The following PRTG variants were observed in gnomAD, a reference collection of about 807,000 sequenced individuals.
The protein encoded by PRTG is immunoglobulin superfamily, DCC subclass, member 5.
Under a neutral mutation model 122.5 loss-of-function variants are expected in PRTG, and 67 were observed. The observed-to-expected ratio is 0.55, with a 90% confidence interval of 0.45 to 0.67. The LOEUF is 0.67. Ranked by LOEUF, PRTG falls within the 30% of genes least tolerant of loss-of-function variation. The probability of loss-of-function intolerance (pLI) is 0.00; values close to 1 mark genes in which losing one functional copy is unlikely to be tolerated. For synonymous variants in PRTG, 554 were observed against 501.1 expected (o/e 1.11, Z -1.41); for missense variants, 1,435 against 1,415.4 (o/e 1.01, Z -0.22).
At chr15:55,697,082 C>A (rs1426756992) in intron 2 of PRTG, among the ~76,000 whole-genome samples, 1 of 152,180 alleles carries the variant, frequency 6.6e-6, no homozygotes. Flanking sequence ...TGCTCTCTGC[C>A]AAATGCTAGA....
intron 11 of PRTG, among the ~76,000 whole-genome samples, chr15:55,667,669 A>G (rs2141784626): frequency 6.6e-6 from 1 of 152,346 alleles, no homozygotes; most frequent in Admixed American, 6.5e-5. Flanking sequence ...CTCTTTTGTT[A>G]TAATTTGTAC....
intron 11 of PRTG, among the ~76,000 whole-genome samples, chr15:55,645,821 C>T (rs2059319155): frequency 6.6e-6 from 1 of 152,020 alleles, no homozygotes; most frequent in Admixed American, 6.6e-5. Context: ...ACATGAGACT[C>T]AGCGGACTTA....
At chr15:55,736,220 T>C (rs2031407965) in intron 2 of PRTG, among the ~76,000 whole-genome samples, 1 of 152,112 alleles carries the variant, frequency 6.6e-6, no homozygotes, top group Non-Finnish European at 1.5e-5. Flanking sequence ...GGCACGCAGG[T>C]AAGAGACTCA....
At chr15:55,623,697 G>A (rs557995827) in intron 18 of PRTG, among the ~76,000 whole-genome samples, 6 of 152,286 alleles carry the variant, frequency 3.9e-5, no homozygotes, top group Non-Finnish European at 5.9e-5. Flanking sequence ...TTCCAATAAC[G>A]TACAGTATCT....
intron 11 of PRTG, among the ~76,000 whole-genome samples, chr15:55,667,268 A>G (rs1293720295): frequency 1.3e-5 from 2 of 151,918 alleles, no homozygotes; most frequent in African/African-American, 4.8e-5. Flanking sequence ...AGTTTCATCA[A>G]TCTGTAAACA....
chr15:55,680,691 A>G lies in PRTG; in HGVS notation c.677-63T>C, dbSNP rs567038123. Reference sequence around the variant, plus strand: ...TAAATAAGATATAATAAGTGAAATTAGTGAGACATTTATTCTTATCACTCA... The same window carrying G: ...TAAATAAGATATAATAAGTGAAATTGGTGAGACATTTATTCTTATCACTCA... On this transcript the variant is annotated intron_variant, in intron 4 of 19. Transcript: ENST00000389286. The G allele has an allele frequency of 1.7e-4, 192 of 1,113,088 alleles. No individual in the cohort carries two copies. The African/African-American group carries it at 2.7e-3, about 16-fold the overall frequency. The allele number at this position is 1,113,088 out of a possible 1,614,324, so 69.0% of individuals were successfully genotyped here.
Position 55,639,724 on chromosome 15 carries a change from T to C in PRTG, c.2242A>G (p.Thr748Ala), listed in dbSNP as rs1368354975. 6.2e-7 allele frequency: 1 copy of C among 1,614,082 alleles called. No homozygotes were observed. The highest frequency in any genetic ancestry group is 1.1e-5 in the South Asian group (1 of 91,070). The change falls in exon 13 of 20, where the codon ACC becomes GCC. Residue 748 changes from threonine (T) to alanine (A), a missense_variant. Physicochemically the swap from Thr to Ala is moderately conservative, Grantham distance 58. Coordinates refer to ENST00000389286, the MANE Select transcript of PRTG (RefSeq NM_173814.6). ...IFLHWRRPAF[T>A]AAQIINYTIR... Reference sequence around the variant, plus strand: ...GTGTAGTTAATGATTTGTGCAGCGGTGAATGCAGGCCTCCTCCAGTGCAGG... The same window carrying C: ...GTGTAGTTAATGATTTGTGCAGCGGCGAATGCAGGCCTCCTCCAGTGCAGG...
At chr15:55,737,299 T>TG (rs1481895319) in intron 2 of PRTG, among the ~76,000 whole-genome samples, 1 of 152,178 alleles carries the variant, frequency 6.6e-6, no homozygotes, top group African/African-American at 2.4e-5. Flanking sequence ...AAGGATTATC[T>TG]TTTTTTAAAG....
In PRTG at chr15:55,620,839, TACTTTA is replaced by T. The variant is rs553003860; in HGVS notation, c.3094-78_3094-73del. 1,186 of 1,274,492 alleles carry T rather than the reference TACTTTA, an allele frequency of 9.3e-4. 3 individuals are homozygous for T. The highest frequency in any genetic ancestry group is 2.0e-3 in the Admixed American group (82 of 40,066). 78.9% of individuals were successfully genotyped at this position (1,274,492 alleles called of 1,614,324 possible). ...ATTTCACTTTATCACAAGTAGTGCA[TACTTTA>T]ACTTTTACTATATGCTTCACATTTC... On this transcript the variant is annotated intron_variant, in intron 18 of 19. Coordinates refer to ENST00000389286, the MANE Select transcript of PRTG (RefSeq NM_173814.6).
At chr15:55,646,468 G>A (rs8037501) in intron 11 of PRTG, among the ~76,000 whole-genome samples, 21,250 of 151,586 alleles carry the variant, frequency 0.14, 2,155 homozygotes, top group African/African-American at 0.28. Flanking sequence ...GACTACAGGC[G>A]CCCGCCACCA....
chr15:55,720,060 AAAAAG>A lies in PRTG; in HGVS notation c.397+20317_397+20321del, dbSNP rs374972863. Among the ~76,000 whole-genome samples the A allele has an allele frequency of 7.8e-3, 1,178 of 151,924 alleles. 5 individuals carry two copies. Among genetic ancestry groups the A allele is most frequent in the Admixed American group, 0.01 (159 of 15,260 alleles). Reference sequence around the variant, plus strand: ...GGCAACGAGAGTGAAACTTCATCTCAAAAAGAAAAGAAAAGAAAAGAAAAGAAAAA... The same window carrying A: ...GGCAACGAGAGTGAAACTTCATCTCAAAAAGAAAAGAAAAGAAAAGAAAAA... On this transcript the variant is annotated intron_variant, in intron 2 of 19. Transcript: ENST00000389286.
intron 2 of PRTG, among the ~76,000 whole-genome samples, chr15:55,695,116 T>C (rs904126623): frequency 1.3e-5 from 2 of 152,208 alleles, no homozygotes; most frequent in African/African-American, 4.8e-5. Flanking sequence ...GCTTCTATGA[T>C]TTATAGTCAG....
chr15:55,717,018 T>C (rs946508312), intron 2 of PRTG, among the ~76,000 whole-genome samples: 2 of 152,220 alleles, frequency 1.3e-5, no homozygotes, highest in Non-Finnish European at 2.9e-5. Context: ...TTACTCAATA[T>C]GAAACCATTT....
intron 11 of PRTG, among the ~76,000 whole-genome samples, chr15:55,644,624 G>T (rs1396913714): frequency 6.6e-6 from 1 of 152,052 alleles, no homozygotes; most frequent in East Asian, 1.9e-4. Context: ...TGCCCACTCA[G>T]GACAGACTCA....
At position 55,724,955 on chromosome 15, in the gene PRTG, G is replaced by A. The variant is rs190803577; in HGVS notation, c.397+15427C>T. 8.7e-4 allele frequency among the ~76,000 whole-genome samples: 132 copies of A among 152,284 alleles called. No individual in the cohort carries two copies. The Middle Eastern group carries it at 0.017, about 20-fold the overall frequency. On this transcript the variant is annotated intron_variant, in intron 2 of 19. Coordinates refer to ENST00000389286, the MANE Select transcript of PRTG (RefSeq NM_173814.6). ...GGCTGAAACGAAAGGACATTGAACAGCTGCTCAAAGCCATAGGAAGAAATA... is the reference window on the plus strand; with the variant it reads ...GGCTGAAACGAAAGGACATTGAACAACTGCTCAAAGCCATAGGAAGAAATA...
At chr15:55,731,470 A>G (rs563099168) in intron 2 of PRTG, among the ~76,000 whole-genome samples, 39 of 146,896 alleles carry the variant, frequency 2.7e-4, no homozygotes, top group South Asian at 1.9e-3. Context: ...TCTCAGGTTC[A>G]AGGGATTCTC....
rs1217117206 is a variant in PRTG, at chr15:55,730,110, C to CT, written c.397+10271dup. On this transcript the variant is annotated intron_variant, in intron 2 of 19. Coordinates refer to ENST00000389286, the MANE Select transcript of PRTG (RefSeq NM_173814.6). ...AATGTCTTTAATTTCAGCGTTGTTA[C>CT]TTTTTTTTTGAGATGGGGTTTCTCT... is the stretch of plus-strand genomic sequence containing the variant. 1.7e-4 allele frequency among the ~76,000 whole-genome samples: 26 copies of CT among 151,542 alleles called. No individual in the cohort carries two copies. In the South Asian group the frequency reaches 4.0e-3, roughly 23 times the overall value.
At chr15:55,734,315 C>G (rs2031339664) in intron 2 of PRTG, among the ~76,000 whole-genome samples, 1 of 152,052 alleles carries the variant, frequency 6.6e-6, no homozygotes, top group African/African-American at 2.4e-5. Flanking sequence ...AAGGGTGACT[C>G]TGGAGGATTA....
At chr15:55,729,292 T>C (rs1157540523) in intron 2 of PRTG, among the ~76,000 whole-genome samples, 4 of 152,214 alleles carry the variant, frequency 2.6e-5, no homozygotes, top group South Asian at 2.1e-4. Flanking sequence ...TATGATTTCA[T>C]TGATATGACA....
Sources: allele counts gnomAD v4.1 joint callset (sites outside exome capture counted in the v4.1 genomes callset), GRCh38; gene constraint gnomAD v4.1.1; transcripts MANE v1.5; gene names NCBI Gene and HGNC (gene_info 2026-07-23, HGNC 2026-07-21).